WDR49: variants seen among roughly 807,000 people sequenced by gnomAD.
The protein encoded by WDR49 is cilia- and flagella-associated protein 337.
A neutral mutation model predicts 119.5 loss-of-function variants in WDR49; 107 were observed. That is an observed-to-expected ratio of 0.90 (90% confidence interval 0.77 to 1.05). The LOEUF (loss-of-function observed/expected upper bound fraction) is 1.05. Among genes scored for constraint, WDR49 ranks in the 50% least tolerant of loss-of-function variants. WDR49 has a pLI of 0.00. For synonymous variants in WDR49, 425 were observed against 418.8 expected (o/e 1.01, Z -0.18); for missense variants, 1,240 against 1,220.5 (o/e 1.02, Z -0.24).
rs569039479 is a variant in WDR49 at position 167,614,163 on chromosome 3, G to A, written c.958+6266C>T. 8.6e-5 allele frequency among the ~76,000 whole-genome samples: 13 copies of A among 152,042 alleles called. No individual in the cohort carries two copies. In the South Asian group the frequency reaches 1.0e-3, roughly 12 times the overall value. On this transcript the variant is annotated intron_variant, in intron 5 of 18. Coordinates refer to ENST00000682715, the MANE Select transcript of WDR49 (RefSeq NM_001366157.1). ...AGGTTGGAGTGCTATGGGCAATGGC[G>A]CAATCTCGGCTCACTGCAACCCCCA...
chr3:167,510,322 A>G (rs1411336794), intron 16 of WDR49, among the ~76,000 whole-genome samples: 1 of 152,198 alleles, frequency 6.6e-6, no homozygotes, highest in Non-Finnish European at 1.5e-5. Flanking sequence ...TGAATTATTC[A>G]TTTTATCTAT....
In WDR49 at chr3:167,527,879, C is replaced by A; in HGVS notation, c.2545G>T (p.Ala849Ser). 4 of 1,613,156 alleles carry A rather than the reference C, an allele frequency of 2.5e-6. No homozygotes were observed. Among genetic ancestry groups the A allele is most frequent in the Non-Finnish European group, 3.4e-6 (4 of 1,179,474 alleles). ...GGQLLIISSSADCSICVTGVC... is the reference protein window; with the variant it reads ...GGQLLIISSSSDCSICVTGVC... The stretch of plus-strand genomic sequence containing the variant: ...CCAGTCACACAAATACTGCAGTCTG[C>A]AGAGGAGGAGATAATCAGTAACTGA... The change falls in exon 15 of 19, where the codon GCA (alanine) becomes TCA (serine). Residue 849 changes from alanine to serine, a missense_variant. Transcript: ENST00000682715.
chr3:167,563,900 A>G (rs1713430323), intron 8 of WDR49, among the ~76,000 whole-genome samples: 1 of 152,194 alleles, frequency 6.6e-6, no homozygotes, highest in Non-Finnish European at 1.5e-5. Context: ...ATTATATGTT[A>G]GCCATTTCAG....
At chr3:167,582,553 G>C (rs1168781380) in intron 7 of WDR49, among the ~76,000 whole-genome samples, 2 of 151,942 alleles carry the variant, frequency 1.3e-5, no homozygotes, top group African/African-American at 4.8e-5. Flanking sequence ...ACAGCTCTAA[G>C]ACTCGAATTT....
chr3:167,584,691 G>A (rs898157878), intron 7 of WDR49, among the ~76,000 whole-genome samples: 43 of 151,942 alleles, frequency 2.8e-4, no homozygotes, highest in Non-Finnish European at 5.3e-4. Context: ...AGTAGAGACA[G>A]ATTATCCAAA....
At chr3:167,577,511 G>A (rs972776031) in intron 7 of WDR49, among the ~76,000 whole-genome samples, 1 of 151,916 alleles carries the variant, frequency 6.6e-6, no homozygotes, top group African/African-American at 2.4e-5. Context: ...CTAACAGGGG[G>A]ACCTCCAATA....
chr3:167,508,233 C>T (rs1751844946), intron 16 of WDR49, among the ~76,000 whole-genome samples: 7 of 152,128 alleles, frequency 4.6e-5, no homozygotes, highest in Admixed American at 4.6e-4. Context: ...TATTTGATGG[C>T]TTGACTCAGA....
intron 2 of WDR49, among the ~76,000 whole-genome samples, chr3:167,648,899 ATT>A (rs1468339955): frequency 2.0e-5 from 3 of 152,176 alleles, no homozygotes; most frequent in Non-Finnish European, 4.4e-5. Context: ...TGTTGCAGAT[ATT>A]ATATATTTTA....
intron 14 of WDR49, 76 bp downstream of exon 14, chr3:167,528,976 G>T: frequency 7.9e-7 from 1 of 1,260,494 alleles, no homozygotes; most frequent in Non-Finnish European, 1.1e-6. Context: ...AGACAGACAA[G>T]GCTTGATTCA....
chr3:167,632,603 G>T (rs1559925651), intron 2 of WDR49, among the ~76,000 whole-genome samples: 1 of 151,906 alleles, frequency 6.6e-6, no homozygotes, highest in Admixed American at 6.6e-5. Context: ...ATGATGTTTT[G>T]ATTAATACGT....
At chr3:167,483,853 C>T (rs1750818921) in intron 18 of WDR49, among the ~76,000 whole-genome samples, 1 of 152,100 alleles carries the variant, frequency 6.6e-6, no homozygotes, top group South Asian at 2.1e-4. Flanking sequence ...GAAAACCTAA[C>T]CTTCATTAGC....
Position 167,625,393 on chromosome 3 carries a change from T to C in WDR49, c.606+1459A>G, listed in dbSNP as rs1172468708. ...TAAACCCATTATTTTTCAATTATAC[T>C]GATAATAATAATAATAGTACTCATT... is the stretch of plus-strand genomic sequence containing the variant. On this transcript the variant is annotated intron_variant, in intron 3 of 18. Coordinates refer to ENST00000682715, the MANE Select transcript of WDR49 (RefSeq NM_001366157.1). Among the ~76,000 whole-genome samples, 16 of 152,146 alleles carry C rather than the reference T, an allele frequency of 1.1e-4. No homozygotes were observed. The South Asian group carries it at 3.3e-3, about 32-fold the overall frequency.
At chr3:167,579,266 G>T (rs943848284) in intron 7 of WDR49, among the ~76,000 whole-genome samples, 1 of 151,954 alleles carries the variant, frequency 6.6e-6, no homozygotes, top group Admixed American at 6.6e-5. Flanking sequence ...AATATTTTTT[G>T]AATTAAAGAT....
At chr3:167,577,904 C>T (rs1180591203) in intron 7 of WDR49, among the ~76,000 whole-genome samples, 2 of 152,012 alleles carry the variant, frequency 1.3e-5, no homozygotes, top group Non-Finnish European at 2.9e-5. Context: ...TCATCAAATG[C>T]CCACAGCCAT....
At chr3:167,492,929 T>C (rs1751205675) in intron 18 of WDR49, among the ~76,000 whole-genome samples, 2 of 146,606 alleles carry the variant, frequency 1.4e-5, no homozygotes, top group Admixed American at 6.9e-5. Context: ...AGAACAAGCA[T>C]GGAGAGGCGG....
At chr3:167,532,316 T>C (rs956448638) in intron 12 of WDR49, among the ~76,000 whole-genome samples, 2 of 152,118 alleles carry the variant, frequency 1.3e-5, no homozygotes, top group Non-Finnish European at 1.5e-5. Flanking sequence ...CTAAGGAAAC[T>C]GAAATAAAAT....
At chr3:167,533,847 G>C (rs1385946644) in intron 11 of WDR49, among the ~76,000 whole-genome samples, 2 of 152,090 alleles carry the variant, frequency 1.3e-5, no homozygotes, top group Non-Finnish European at 2.9e-5. Flanking sequence ...GAGCAGAAGA[G>C]TTTGGGTGGG....
intron 18 of WDR49, among the ~76,000 whole-genome samples, chr3:167,485,977 GA>G (rs573323450): frequency 6.9e-5 from 10 of 144,062 alleles, no homozygotes; most frequent in East Asian, 4.0e-4. Context: ...CAATGCAAAA[GA>G]AAAAAAAAAG....
intron 10 of WDR49, among the ~76,000 whole-genome samples, chr3:167,544,610 A>T (rs1712052100): frequency 6.6e-6 from 1 of 152,136 alleles, no homozygotes; most frequent in African/African-American, 2.4e-5. Flanking sequence ...CATGCTATTC[A>T]ACAAATGGTG....
Sources: gnomAD v4.1 joint callset for allele counts (sites outside exome capture counted in the v4.1 genomes callset) on GRCh38, gnomAD v4.1.1 for gene constraint, MANE v1.5 for transcripts, NCBI Gene and HGNC (gene_info 2026-07-23, HGNC 2026-07-21) for gene names.